Variants in MAGEC3 observed in about 807,000 individuals in gnomAD.
The protein encoded by MAGEC3 is MAGE family member C3.
Under a neutral mutation model 35.3 loss-of-function variants are expected in MAGEC3, and 34 were observed. The ratio of observed to expected loss-of-function variants is 0.96; its 90% CI spans 0.73 to 1.28. The LOEUF is 1.28. Among genes scored for constraint, MAGEC3 ranks in the 50% most tolerant of loss-of-function variants. The pLI, the probability that MAGEC3 is intolerant of heterozygous loss-of-function variation, is 0.00. For synonymous variants in MAGEC3, 202 were observed against 185.6 expected (o/e 1.09, Z -0.72); for missense variants, 561 against 483.6 (o/e 1.16, Z -1.50).
chrX:141,839,181 TG>T (rs2017671343), intron 1 of MAGEC3: 2 of 130,295 alleles, frequency 1.5e-5, no homozygotes, highest in African/African-American at 6.5e-5. Context: ...ATGAGCAGGC[TG>T]CCTTGATTCC....
chrX:141,882,461 A>G (rs765106580), intron 4 of MAGEC3, among the ~76,000 whole-genome samples: 3 of 112,138 alleles, frequency 2.7e-5, no homozygotes, highest in African/African-American at 6.5e-5. Context: ...TTTGTGATCT[A>G]TAACAGGATA....
chrX:141,889,772 G>GA (rs1487312248), intron 4 of MAGEC3, among the ~76,000 whole-genome samples: 1 of 111,777 alleles, frequency 8.9e-6, no homozygotes, highest in East Asian at 2.8e-4. Flanking sequence ...ACTCCACCAG[G>GA]AAAAAAATCC....
At chrX:141,876,158 G>C (rs1239118752) in intron 2 of MAGEC3, among the ~76,000 whole-genome samples, 1 of 111,848 alleles carries the variant, frequency 8.9e-6, no homozygotes, top group Non-Finnish European at 1.9e-5. Context: ...ATCACATTTG[G>C]GCAAACTGGC....
At chrX:141,896,361 T>C (rs963442510) in intron 6 of MAGEC3, 121 of 843,503 alleles carry the variant, frequency 1.4e-4, no homozygotes, top group Non-Finnish European at 1.8e-4. Context: ...AGCCACCTAC[T>C]GCCATTCCTG....
In MAGEC3 at chrX:141,896,324, A is replaced by T. The variant is rs972113090; in HGVS notation, c.1124-558A>T. The T allele has an allele frequency of 5.6e-6, 3 of 539,768 alleles. No individual in the cohort carries two copies. In the African/African-American group the frequency reaches 7.3e-5, roughly 13 times the overall value. 44.5% of individuals were successfully genotyped at this position (539,768 alleles called of 1,213,427 possible). A position where few individuals can be genotyped will look rare whatever the true frequency, so the allele number is the denominator to read the frequency against. On this transcript the variant is annotated intron_variant, in intron 6 of 7. Transcript: ENST00000298296. ...TACCAAGGGCCCTACCCCCACAAACAGAGCAGACCTGGCAGCACCTGGCCA... is the reference window on the plus strand; with the variant it reads ...TACCAAGGGCCCTACCCCCACAAACTGAGCAGACCTGGCAGCACCTGGCCA...
intron 1 of MAGEC3, among the ~76,000 whole-genome samples, chrX:141,853,039 G>A: frequency 9.0e-6 from 1 of 111,034 alleles, no homozygotes. Flanking sequence ...CTGGACCTGG[G>A]CTTTTCCTTG....
intron 4 of MAGEC3, among the ~76,000 whole-genome samples, chrX:141,887,029 C>T (rs1230752229): frequency 6.3e-5 from 7 of 111,870 alleles, no homozygotes; most frequent in Non-Finnish European, 1.3e-4. Context: ...TTATCGTAAG[C>T]TTACCCAAGT....
intron 1 of MAGEC3, among the ~76,000 whole-genome samples, chrX:141,844,157 G>C (rs1243072903): frequency 9.0e-6 from 1 of 111,329 alleles, no homozygotes; most frequent in Non-Finnish European, 1.9e-5. Context: ...TAGTTTTACT[G>C]ATGTACAGCA....
chrX:141,881,721 T>C lies in MAGEC3; in HGVS notation c.834T>C (p.Leu278=). Residue 278 remains leucine (L), a synonymous_variant, in exon 4 of 8, where the codon CTT becomes CTC. Transcript: ENST00000298296. ...TGCCCCAGAACCGCCTCCTGATTCT[T>C]ATTCTGAGTGTGATCTTCATAAAGG... ...QGMPQNRLLI[L]ILSVIFIKGN... 1 of 1,211,566 alleles carries C rather than the reference T, an allele frequency of 8.3e-7. No homozygotes were observed. The highest frequency in any genetic ancestry group is 1.1e-6 in the Non-Finnish European group (1 of 895,430).
In MAGEC3 at chrX:141,846,344, A is replaced by G. The variant is rs189338651; in HGVS notation, c.123+7906A>G. Among the ~76,000 whole-genome samples the G allele has an allele frequency of 2.5e-3, 273 of 109,920 alleles. 1 individual carries two copies. The highest frequency in any genetic ancestry group is 4.6e-3 in the Middle Eastern group (1 of 218). On this transcript the variant is annotated intron_variant, in intron 1 of 7. Coordinates refer to ENST00000298296, the MANE Select transcript of MAGEC3 (RefSeq NM_138702.1). ...ATTACACCTCTAAACTTGCTGGCCT[A>G]AGAGGGGGAGTGGGTGATGAGATTT...
At chrX:141,868,662 C>T (rs1249656068) in intron 2 of MAGEC3, among the ~76,000 whole-genome samples, 1 of 110,010 alleles carries the variant, frequency 9.1e-6, no homozygotes, top group East Asian at 2.9e-4. Flanking sequence ...CCATTAAATA[C>T]CTATGAGTTG....
intron 2 of MAGEC3, among the ~76,000 whole-genome samples, 170 bp from the exon 3 acceptor site, chrX:141,879,005 C>T (rs974356869): frequency 8.9e-6 from 1 of 112,226 alleles, no homozygotes; most frequent in African/African-American, 3.2e-5. Context: ...TCTCTTGCAC[C>T]TTGCAGGTCT....
In MAGEC3 at chrX:141,879,184, A is replaced by G; in HGVS notation, c.268A>G (p.Thr90Ala). ...LCPTYFKLWRTLSGSPGLQLS... is the reference protein window; with the variant it reads ...LCPTYFKLWRALSGSPGLQLS... ...CTGTGCCTGCTGCCAGCTCTGGAGG[A>G]CCCTATCAGGGTCCCCAGGTTTACA... The change falls in exon 3 of 8, where the codon ACC (threonine) becomes GCC (alanine). Residue 90 changes from threonine (T) to alanine (A), a missense_variant. Coordinates refer to ENST00000298296, the MANE Select transcript of MAGEC3 (RefSeq NM_138702.1). 8.5e-7 allele frequency: 1 copy of G among 1,181,456 alleles called. No homozygotes were observed. The highest frequency in any genetic ancestry group is 1.1e-6 in the Non-Finnish European group (1 of 879,276).
rs2018081313 is a variant in MAGEC3 at position 141,895,415 on chromosome X, C to T, written c.1048+8C>T. The T allele has an allele frequency of 2.5e-6, 3 of 1,210,503 alleles. No homozygotes were observed. Among genetic ancestry groups the T allele is most frequent in the Non-Finnish European group, 2.2e-6 (2 of 895,084 alleles). Reference sequence around the variant, plus strand: ...ACCTGGCCAATCCTCAAGGTAAGGGCCCTAAGGGAGAACTGAGGGACTTCG... The same window carrying T: ...ACCTGGCCAATCCTCAAGGTAAGGGTCCTAAGGGAGAACTGAGGGACTTCG... On this transcript the variant is annotated splice_region_variant and intron_variant, in intron 5 of 7. Transcript: ENST00000298296.
chrX:141,838,356 G>C lies in MAGEC3; in HGVS notation c.41G>C (p.Ser14Thr), dbSNP rs373639857. 8 of 1,209,546 alleles carry C rather than the reference G, an allele frequency of 6.6e-6. No individual in the cohort carries two copies. In the African/African-American group the frequency reaches 1.2e-4, roughly 18 times the overall value. Residue 14 changes from serine (S) to threonine (T), a missense_variant, in exon 1 of 8, where the codon AGT (serine) becomes ACT (threonine). Physicochemically the swap from Ser to Thr is moderately conservative, Grantham distance 58 (BLOSUM62 1). Coordinates refer to ENST00000298296, the MANE Select transcript of MAGEC3 (RefSeq NM_138702.1). ...PCHWVLDATFSDGSLGQWVKN... is the reference protein window; with the variant it reads ...PCHWVLDATFTDGSLGQWVKN... The stretch of plus-strand genomic sequence containing the variant: ...CACTGGGTGTTGGATGCCACCTTCA[G>C]TGATGGCAGTCTAGGCCAGTGGGTG...
intron 6 of MAGEC3, among the ~76,000 whole-genome samples, 192 bp downstream of exon 6, chrX:141,895,751 AG>A (rs2018087426): frequency 9.8e-5 from 1 of 10,163 alleles, no homozygotes; most frequent in Non-Finnish European, 1.9e-4. Context: ...GGAGGGGTGG[AG>A]GGGAAGGGGA....
intron 1 of MAGEC3, among the ~76,000 whole-genome samples, chrX:141,852,585 T>C (rs2017757722): frequency 9.0e-6 from 1 of 110,937 alleles, no homozygotes; most frequent in South Asian, 3.8e-4. Flanking sequence ...ATGCACTCTT[T>C]GTCAAGTTGA....
chrX:141,865,907 G>T (rs965490342), intron 2 of MAGEC3, among the ~76,000 whole-genome samples: 3 of 111,656 alleles, frequency 2.7e-5, no homozygotes, highest in Non-Finnish European at 5.6e-5. Context: ...TGTGAATCCT[G>T]AGAGGTCCCA....
At chrX:141,879,481 G>A in intron 3 of MAGEC3, 50 bp downstream of exon 3, 8 of 1,119,030 alleles carry the variant, frequency 7.1e-6, no homozygotes, top group Non-Finnish European at 8.3e-6. Context: ...GGAAAAGGTG[G>A]AGGGATACCG....
Sources: allele counts gnomAD v4.1 joint callset (sites outside exome capture counted in the v4.1 genomes callset), GRCh38; gene constraint gnomAD v4.1.1; transcripts MANE v1.5; gene names NCBI Gene and HGNC (gene_info 2026-07-23, HGNC 2026-07-21).